EPHA3: variants seen among roughly 807,000 people sequenced by gnomAD.
EPHA3 encodes EPH receptor A3, also known as ephrin type-A receptor 3.
Under a neutral mutation model 107.1 loss-of-function variants are expected in EPHA3, and 42 were observed. The observed-to-expected ratio is 0.39, with a 90% CI of 0.31 to 0.51. EPHA3 has a LOEUF of 0.51. Among genes scored for constraint, EPHA3 ranks in the 20% least tolerant of loss-of-function variants. The probability of loss-of-function intolerance (pLI) is 0.78; values close to 1 mark genes in which losing one functional copy is unlikely to be tolerated. For synonymous variants in EPHA3, 461 were observed against 424.8 expected (o/e 1.09, Z -1.05); for missense variants, 1,183 against 1,211.2 (o/e 0.98, Z 0.35).
intron 16 of EPHA3, among the ~76,000 whole-genome samples, chr3:89,478,567 A>G (rs1331984646): frequency 4.6e-5 from 7 of 152,178 alleles, no homozygotes. Context: ...AGGTGCTTAC[A>G]TATGGCCTCT....
intron 1 of EPHA3, among the ~76,000 whole-genome samples, chr3:89,109,617 C>T (rs555438584): frequency 2.8e-4 from 43 of 152,040 alleles, no homozygotes; most frequent in African/African-American, 1.0e-3. Flanking sequence ...CAAACTATTT[C>T]ACACCTATGT....
chr3:89,212,840 T>C (rs1704134876), intron 3 of EPHA3, among the ~76,000 whole-genome samples: 1 of 152,058 alleles, frequency 6.6e-6, no homozygotes, highest in East Asian at 1.9e-4. Context: ...TGCACATTCA[T>C]TGTGGAATGC....
chr3:89,478,179 C>A (rs1043054058), intron 16 of EPHA3, among the ~76,000 whole-genome samples: 14 of 152,014 alleles, frequency 9.2e-5, no homozygotes, highest in African/African-American at 2.4e-4. Flanking sequence ...TTTTTATAAT[C>A]TTTATTTTAA....
chr3:89,136,348 T>TTTTTTTTTTTTTTTTA, intron 2 of EPHA3, among the ~76,000 whole-genome samples: 1 of 138,298 alleles, frequency 7.2e-6, no homozygotes, highest in Non-Finnish European at 1.6e-5. Flanking sequence ...TTTTTTTTTT[T>TTTTTTTTTTTTTTTTA]TTTTTTGACC....
intron 3 of EPHA3, among the ~76,000 whole-genome samples, chr3:89,230,505 G>A (rs1251183994): frequency 6.6e-6 from 1 of 152,056 alleles, no homozygotes; most frequent in African/African-American, 2.4e-5. Context: ...AAAGTAGTAT[G>A]AAGCTACTAT....
Position 89,420,385 on chromosome 3 carries a change from T to C in EPHA3, c.2074+995T>C, listed in dbSNP as rs1362872505. On this transcript the variant is annotated intron_variant, in intron 11 of 16. Coordinates refer to ENST00000336596, the MANE Select transcript of EPHA3 (RefSeq NM_005233.6). ...AGGCATTTCCTTCCTCATGAGAGCA[T>C]GGTTTAATTGAAATAGACTTTGATT... 2.0e-5 allele frequency among the ~76,000 whole-genome samples: 3 copies of C among 151,496 alleles called. No individual in the cohort carries two copies. In the East Asian group the frequency reaches 5.8e-4, roughly 29 times the overall value.
intron 3 of EPHA3, among the ~76,000 whole-genome samples, chr3:89,237,835 T>G (rs1254003572): frequency 2.6e-5 from 4 of 152,074 alleles, no homozygotes; most frequent in Non-Finnish European, 5.9e-5. Flanking sequence ...AAAAATTAGC[T>G]GGGCATGGTG....
rs557330132 is a variant in EPHA3, at chr3:89,152,311, G to A, written c.153+25038G>A. On this transcript the variant is annotated intron_variant, in intron 2 of 16. Coordinates refer to ENST00000336596, the MANE Select transcript of EPHA3 (RefSeq NM_005233.6). The stretch of plus-strand genomic sequence containing the variant: ...ACATAATACTCTCAGTTGTGTTCTG[G>A]TAAACCTAAAACGACCTCCTCATGC... Among the ~76,000 whole-genome samples, 25 of 152,014 alleles carry A rather than the reference G, an allele frequency of 1.6e-4. No homozygotes were observed. In the South Asian group the frequency reaches 5.2e-3, roughly 32 times the overall value.
intron 2 of EPHA3, among the ~76,000 whole-genome samples, chr3:89,155,111 T>A (rs1704770442): frequency 6.6e-6 from 1 of 151,606 alleles, no homozygotes. Context: ...GATGAATATA[T>A]GTCATAATCC....
At chr3:89,406,504 G>C (rs1245164788) in intron 7 of EPHA3, among the ~76,000 whole-genome samples, 1 of 152,112 alleles carries the variant, frequency 6.6e-6, no homozygotes, top group Non-Finnish European at 1.5e-5. Flanking sequence ...CATAAAATCA[G>C]TCATAGACAA....
At chr3:89,210,609 C>T in intron 3 of EPHA3, 89 bp downstream of exon 3, 1 of 1,384,608 alleles carries the variant, frequency 7.2e-7, no homozygotes, top group East Asian at 2.4e-5. Context: ...TCAGTCTCAA[C>T]TCACTTGGCA....
intron 2 of EPHA3, among the ~76,000 whole-genome samples, chr3:89,132,007 T>C (rs1006147153): frequency 2.6e-5 from 4 of 152,150 alleles, no homozygotes; most frequent in Non-Finnish European, 5.9e-5. Context: ...ATCATGACCA[T>C]GATAGTTATT....
At position 89,431,288 on chromosome 3, in the gene EPHA3, G is replaced by C. The variant is rs146856660; in HGVS notation, c.2275G>C (p.Val759Leu). The change falls in exon 13 of 17, where the codon GTG becomes CTG. Residue 759 changes from valine to leucine, a missense_variant. Coordinates refer to ENST00000336596, the MANE Select transcript of EPHA3 (RefSeq NM_005233.6). Reference protein sequence around the residue: ...ARNILINSNLVCKVSDFGLSR... With the variant: ...ARNILINSNLLCKVSDFGLSR... Reference sequence around the variant, plus strand: ...GAACATCTTGATCAACAGTAACTTGGTGTGTAAGGTTTCTGATTTCGGACT... The same window carrying C: ...GAACATCTTGATCAACAGTAACTTGCTGTGTAAGGTTTCTGATTTCGGACT... 18 of 1,613,492 alleles carry C rather than the reference G, an allele frequency of 1.1e-5. No individual in the cohort carries two copies. The highest frequency in any genetic ancestry group is 1.5e-5 in the Non-Finnish European group (18 of 1,179,900).
intron 14 of EPHA3, 93 bp downstream of exon 14, chr3:89,449,467 T>G: frequency 8.6e-7 from 1 of 1,161,526 alleles, no homozygotes; most frequent in East Asian, 2.6e-5. Flanking sequence ...GGCTCCTGGT[T>G]TATAACACTG....
intron 15 of EPHA3, among the ~76,000 whole-genome samples, chr3:89,458,329 A>C (rs1369613958): frequency 6.6e-6 from 1 of 152,174 alleles, no homozygotes; most frequent in Non-Finnish European, 1.5e-5. Context: ...TCACAGAAGA[A>C]TGTGAAATGG....
At chr3:89,259,046 T>G (rs1705353657) in intron 3 of EPHA3, among the ~76,000 whole-genome samples, 1 of 152,206 alleles carries the variant, frequency 6.6e-6, no homozygotes, top group African/African-American at 2.4e-5. Context: ...TATATATGGT[T>G]ACATATATAT....
At position 89,124,981 on chromosome 3, in the gene EPHA3, G is replaced by T. The variant is rs1275367880; in HGVS notation, c.89-2228G>T. ...GTGATTAGTCCAGTTCTTTTCCATT[G>T]TTCTTATTATCAGAAGAAACGTAAG... On this transcript the variant is annotated intron_variant, in intron 1 of 16. Coordinates refer to ENST00000336596, the MANE Select transcript of EPHA3 (RefSeq NM_005233.6). Among the ~76,000 whole-genome samples the T allele has an allele frequency of 2.0e-5, 3 of 151,774 alleles. No homozygotes were observed. In the East Asian group the frequency reaches 5.8e-4, roughly 29 times the overall value.
At chr3:89,129,470 A>G (rs1704156672) in intron 2 of EPHA3, among the ~76,000 whole-genome samples, 1 of 152,180 alleles carries the variant, frequency 6.6e-6, no homozygotes, top group Admixed American at 6.5e-5. Flanking sequence ...AAAAAAAAGA[A>G]TAAAATCAAA....
At chr3:89,381,681 A>G (rs914493762) in intron 5 of EPHA3, among the ~76,000 whole-genome samples, 1 of 152,118 alleles carries the variant, frequency 6.6e-6, no homozygotes, top group Admixed American at 6.5e-5. Flanking sequence ...AAAGAAAAAA[A>G]AAAATTAGGA....
Sources: allele counts gnomAD v4.1 joint callset (sites outside exome capture counted in the v4.1 genomes callset), GRCh38; gene constraint gnomAD v4.1.1; transcripts MANE v1.5; gene names NCBI Gene and HGNC (gene_info 2026-07-23, HGNC 2026-07-21).